Variants in WDR47 observed in about 807,000 individuals in gnomAD.
WDR47 encodes the protein WD repeat domain 47.
A neutral mutation model predicts 97.2 loss-of-function variants in WDR47; 32 were observed. The observed-to-expected ratio is 0.33, with a 90% CI of 0.25 to 0.44. WDR47 has a LOEUF of 0.44. Among genes scored for constraint, WDR47 ranks in the 20% least tolerant of loss-of-function variants. WDR47 has a pLI of 1.00. For synonymous variants in WDR47, 375 were observed against 373.5 expected, an observed-to-expected ratio of 1.00 and a Z score of -0.05; for missense variants, 782 against 1,102.3, an observed-to-expected ratio of 0.71 and a Z score of 4.11.
chr1:108,988,002 G>A (rs1468421368), intron 9 of WDR47, among the ~76,000 whole-genome samples: 2 of 151,510 alleles, frequency 1.3e-5, no homozygotes, highest in Admixed American at 6.6e-5. Context: ...TTGTGAGTCC[G>A]AGTTGGGCAT....
At chr1:108,976,443 G>A (rs549174949) in intron 13 of WDR47, among the ~76,000 whole-genome samples, 6 of 150,954 alleles carry the variant, frequency 4.0e-5, no homozygotes, top group African/African-American at 7.3e-5. Context: ...AGTTTTACAC[G>A]TACAAAGTTT....
intron 13 of WDR47, among the ~76,000 whole-genome samples, chr1:108,978,474 C>T (rs1483057304): frequency 1.4e-5 from 2 of 147,140 alleles, no homozygotes; most frequent in East Asian, 4.0e-4. Flanking sequence ...GGTGACAGAG[C>T]GAGACTCCGT....
At chr1:108,992,393 G>A in intron 8 of WDR47, 1 of 1,576,058 alleles carries the variant, frequency 6.3e-7, no homozygotes, top group South Asian at 1.1e-5. Flanking sequence ...GGCCATCAAG[G>A]GTATGCATAT....
At chr1:109,041,000 C>T (rs1663314807) in intron 1 of WDR47, among the ~76,000 whole-genome samples, 1 of 150,522 alleles carries the variant, frequency 6.6e-6, no homozygotes, top group African/African-American at 2.4e-5. Flanking sequence ...GCAGAGAAAA[C>T]CAAGTTGCCA....
Position 109,002,318 on chromosome 1 carries a change from G to A in WDR47, c.1339C>T (p.Arg447Trp), listed in dbSNP as rs761468913. 2.4e-5 allele frequency: 38 copies of A among 1,613,202 alleles called. 1 individual carries two copies. Among genetic ancestry groups the A allele is most frequent in the Non-Finnish European group, 2.9e-5 (34 of 1,179,908 alleles). ...AGCAACATCTGTTGGTATATCTGCC[G>A]CTGTTGCTCCTTCTGTTCTAAATGC... The part of the protein sequence containing the change: ...QQHLEQKEQQ[R>W]QIYQQMLLEG... Residue 447 changes from arginine to tryptophan, a missense_variant, in exon 7 of 15, where the codon CGG becomes TGG. Arg to Trp is a moderately radical substitution (Grantham distance 101, BLOSUM62 -3). Around this residue, in one of 3 missense-constraint regions of WDR47, gnomAD observed 428 missense variants for 584.3 expected, o/e 0.73. Coordinates refer to ENST00000369962, the MANE Select transcript of WDR47 (RefSeq NM_001142551.2).
chr1:108,990,987 TG>T (rs1186783630), intron 9 of WDR47, among the ~76,000 whole-genome samples: 4 of 151,464 alleles, frequency 2.6e-5, no homozygotes, highest in Admixed American at 2.0e-4. Context: ...TAAAAGTTTG[TG>T]GGGTTTTTTT....
chr1:109,016,534 A>G (rs901130678), intron 3 of WDR47, among the ~76,000 whole-genome samples: 1 of 152,188 alleles, frequency 6.6e-6, no homozygotes, highest in African/African-American at 2.4e-5. Context: ...GCTATCCCCT[A>G]AACTGTGAAG....
chr1:109,018,436 CA>C (rs34692365), intron 2 of WDR47, among the ~76,000 whole-genome samples: 20,184 of 103,230 alleles, frequency 0.2, 1,351 homozygotes, highest in Middle Eastern at 0.27. Context: ...GACTCTGTCT[CA>C]AAAAAAAAAA....
chr1:108,975,872 GAA>G (rs1229618746), intron 13 of WDR47, among the ~76,000 whole-genome samples: 1 of 152,110 alleles, frequency 6.6e-6, no homozygotes, highest in Non-Finnish European at 1.5e-5. Flanking sequence ...TACTGAAAGA[GAA>G]GAGGGCTATT....
chr1:109,021,324 T>TCA (rs1661820558), intron 2 of WDR47, among the ~76,000 whole-genome samples: 1 of 152,004 alleles, frequency 6.6e-6, no homozygotes, highest in Non-Finnish European at 1.5e-5. Flanking sequence ...GGTCAGGAGT[T>TCA]TGAGACCAGC....
At chr1:108,989,442 A>G (rs1659140718) in intron 9 of WDR47, among the ~76,000 whole-genome samples, 1 of 152,226 alleles carries the variant, frequency 6.6e-6, no homozygotes, top group Non-Finnish European at 1.5e-5. Flanking sequence ...GTGTTACGCT[A>G]TGTATGTCCT....
chr1:109,005,238 AAAAAT>A (rs970988099), intron 5 of WDR47, among the ~76,000 whole-genome samples: 27 of 151,988 alleles, frequency 1.8e-4, no homozygotes, highest in African/African-American at 5.6e-4. Context: ...CTAGTTTCTA[AAAAAT>A]AAAATAAAAT....
chr1:109,003,987 G>A (rs968121496), intron 6 of WDR47, among the ~76,000 whole-genome samples: 3 of 152,000 alleles, frequency 2.0e-5, no homozygotes, highest in African/African-American at 4.8e-5. Context: ...CTAGCCGGCC[G>A]GGCGCGGTGG....
chr1:108,994,577 T>TA (rs1012620352), intron 8 of WDR47, among the ~76,000 whole-genome samples: 14 of 151,116 alleles, frequency 9.3e-5, no homozygotes, highest in South Asian at 2.1e-4. Context: ...GATCCCATCT[T>TA]AAAAAAAAAT....
At chr1:109,023,286 A>G in intron 2 of WDR47, 69 bp downstream of exon 2, 1 of 1,474,734 alleles carries the variant, frequency 6.8e-7, no homozygotes, top group Non-Finnish European at 9.2e-7. Context: ...TGTATTATAT[A>G]TATTACCTTA....
At chr1:108,986,766 C>G in intron 9 of WDR47, 86 bp from the exon 10 acceptor site, 1 of 1,148,606 alleles carries the variant, frequency 8.7e-7, no homozygotes, top group Non-Finnish European at 1.2e-6. Flanking sequence ...TTCATTTGAA[C>G]TTTATTATTC....
At position 108,986,661 on chromosome 1, in the gene WDR47, T is replaced by A. The variant is rs2101835741; in HGVS notation, c.1787A>T (p.Gln596Leu). Reference protein sequence around the residue: ...KGEEDDKSKKQFVCINILEDT... With the variant: ...KGEEDDKSKKLFVCINILEDT... The stretch of plus-strand genomic sequence containing the variant: ...TTCTAGGATATTAATACAAACAAAC[T>A]GCTTTTTTGATTTGTCATCCTATGG... The change falls in exon 10 of 15, where the codon CAG becomes CTG. Residue 596 changes from glutamine to leucine, a missense_variant. Transcript: ENST00000369962. 1.2e-6 allele frequency: 2 copies of A among 1,606,104 alleles called. No homozygotes were observed. Among genetic ancestry groups the A allele is most frequent in the Non-Finnish European group, 1.7e-6 (2 of 1,177,280 alleles).
rs76370963 is a variant in WDR47, at chr1:108,982,655, G to A, written c.2220C>T (p.Thr740=). Residue 740 remains threonine (T), a synonymous_variant, in exon 12 of 15, where the codon ACC becomes ACT. Transcript: ENST00000369962. The part of the protein sequence containing the change: ...AGAGDCNIYT[T]DCQRGQGLHA... ...GGAGGCCCTGTCCTCTTTGACAATC[G>A]GTTGTATAAATGTTACAATCCCCTG... The A allele has an allele frequency of 1.4e-4, 220 of 1,612,954 alleles. No homozygotes were observed. In the African/African-American group the frequency reaches 2.3e-3, roughly 17 times the overall value.
intron 2 of WDR47, among the ~76,000 whole-genome samples, chr1:109,020,127 G>C (rs570756711): frequency 3.0e-4 from 46 of 151,800 alleles, no homozygotes; most frequent in African/African-American, 1.1e-3. Context: ...TAAAAATAAG[G>C]CAATCACTGT....
Sources: gnomAD v4.1 joint callset for allele counts (sites outside exome capture counted in the v4.1 genomes callset) on GRCh38, gnomAD v4.1.1 for gene constraint, gnomAD v4.1.1 regional missense constraint, MANE v1.5 for transcripts, NCBI Gene and HGNC (gene_info 2026-07-23, HGNC 2026-07-21) for gene names.